The following ARMH1 variants were observed in gnomAD, a reference collection of about 807,000 sequenced individuals.
ARMH1 encodes the protein armadillo like helical domain containing 1.
A neutral mutation model predicts 50.2 loss-of-function variants in ARMH1; 34 were observed. The ratio of observed to expected loss-of-function variants is 0.68; its 90% CI spans 0.51 to 0.90. The LOEUF (loss-of-function observed/expected upper bound fraction) is 0.90, where lower values mean the gene tolerates loss of function less well. ARMH1 is among the 40% of genes least tolerant of loss of function. The pLI, the probability that ARMH1 is intolerant of heterozygous loss-of-function variation, is 0.00. For missense variants in ARMH1, 538 were observed against 553.9 expected (o/e 0.97, Z 0.29); for synonymous variants, 221 against 224.2 (o/e 0.99, Z 0.13).
intron 6 of ARMH1, among the ~76,000 whole-genome samples, chr1:44,714,529 G>A (rs1008902961): frequency 6.6e-5 from 10 of 151,390 alleles, no homozygotes; most frequent in African/African-American, 2.4e-4. Context: ...AGGTTGCGGT[G>A]AGCTGAGATC....
At chr1:44,679,477 T>C (rs1645240023) in intron 1 of ARMH1, among the ~76,000 whole-genome samples, 1 of 152,262 alleles carries the variant, frequency 6.6e-6, no homozygotes, top group South Asian at 2.1e-4. Context: ...AAATAATTTC[T>C]GTGACATTTC....
intron 2 of ARMH1, 128 bp downstream of exon 2, chr1:44,690,031 A>C (rs1332119803): frequency 1.3e-6 from 1 of 753,160 alleles, no homozygotes; most frequent in African/African-American, 1.8e-5. Flanking sequence ...CAGCCTAACC[A>C]ACATGGTGAA....
intron 6 of ARMH1, among the ~76,000 whole-genome samples, chr1:44,711,966 T>C (rs1012765953): frequency 5.3e-5 from 8 of 152,312 alleles, no homozygotes; most frequent in African/African-American, 1.9e-4. Context: ...CTCAAAATGA[T>C]AAATGAGAAA....
At chr1:44,700,189 G>A (rs988918223) in intron 4 of ARMH1, among the ~76,000 whole-genome samples, 2 of 152,134 alleles carry the variant, frequency 1.3e-5, no homozygotes, top group African/African-American at 4.8e-5. Flanking sequence ...TCTCCTGCCT[G>A]TCTACCCCAT....
chr1:44,691,150 CG>C (rs1299806390), intron 2 of ARMH1, among the ~76,000 whole-genome samples: 1 of 151,844 alleles, frequency 6.6e-6, no homozygotes, highest in African/African-American at 2.4e-5. Context: ...CCCAGCTACC[CG>C]GGAGGCTGAG....
rs577423359 is a variant in ARMH1 at position 44,681,057 on chromosome 1, T to C, written c.-23+6184T>C. ...TCACCCAGGCTGGAGTGTAGTGGCGTGATCTCGGCTCACTGCAAGCTCCAC... is the reference window on the plus strand; with the variant it reads ...TCACCCAGGCTGGAGTGTAGTGGCGCGATCTCGGCTCACTGCAAGCTCCAC... On this transcript the variant is annotated intron_variant, in intron 1 of 11. Coordinates refer to ENST00000535358, the MANE Select transcript of ARMH1 (RefSeq NM_001145636.2). The surrounding 1 kb of genome is among the most constrained non-coding windows in gnomAD (Gnocchi z 4.3). Among the ~76,000 whole-genome samples, 5 of 149,540 alleles carry C rather than the reference T, an allele frequency of 3.3e-5. No individual in the cohort carries two copies. The highest frequency in any genetic ancestry group is 5.9e-5 in the Non-Finnish European group (4 of 67,480).
chr1:44,723,297 G>A (rs1647673563), intron 6 of ARMH1, among the ~76,000 whole-genome samples: 1 of 152,118 alleles, frequency 6.6e-6, no homozygotes, highest in African/African-American at 2.4e-5. Flanking sequence ...AGGGTTGGTC[G>A]AATGAATGAA....
chr1:44,699,856 G>A (rs978953790), intron 4 of ARMH1, among the ~76,000 whole-genome samples: 4 of 146,236 alleles, frequency 2.7e-5, no homozygotes, highest in Non-Finnish European at 4.5e-5. Flanking sequence ...TTGAGTTGGA[G>A]TCTCGTTCTG....
intron 6 of ARMH1, among the ~76,000 whole-genome samples, chr1:44,721,232 A>G (rs1647102114): frequency 6.6e-6 from 1 of 152,172 alleles, no homozygotes; most frequent in Non-Finnish European, 1.5e-5. Flanking sequence ...CAGGTGGTCC[A>G]GAGAACCTCA....
chr1:44,717,380 A>G (rs923127832), intron 6 of ARMH1, among the ~76,000 whole-genome samples: 2 of 152,222 alleles, frequency 1.3e-5, no homozygotes, highest in Admixed American at 1.3e-4. Context: ...CACAAATGTG[A>G]CATGGCACTA....
chr1:44,701,428 G>A (rs766710784), intron 5 of ARMH1, among the ~76,000 whole-genome samples: 2 of 152,024 alleles, frequency 1.3e-5, no homozygotes, highest in Admixed American at 1.3e-4. Context: ...GATAGGGAAA[G>A]AATAATGGTG....
At chr1:44,696,025 G>GA (rs199867080) in intron 2 of ARMH1, among the ~76,000 whole-genome samples, 3,884 of 151,984 alleles carry the variant, frequency 0.026, 117 homozygotes, top group Admixed American at 0.077. Flanking sequence ...CTAGCCTGAA[G>GA]AAAAAGGGGA....
rs923458512 is a variant in ARMH1 at position 44,724,714 on chromosome 1, G to A, written c.1050+46G>A. 8 of 1,490,408 alleles carry A rather than the reference G, an allele frequency of 5.4e-6. No homozygotes were observed. The African/African-American group carries it at 7.2e-5, about 14-fold the overall frequency. 92.3% of individuals were successfully genotyped at this position (1,490,408 alleles called of 1,614,324 possible). ...GGGGGCGGGAAGGGCGGCGGCACCC[G>A]CAGCCCCGTCGCCCCCGCAGTCACG... On this transcript the variant is annotated intron_variant, in intron 9 of 11. Coordinates refer to ENST00000535358, the MANE Select transcript of ARMH1 (RefSeq NM_001145636.2). The surrounding 1 kb of genome is among the most constrained non-coding windows in gnomAD (Gnocchi z 6.4).
In ARMH1 at chr1:44,681,575, AG is replaced by A. The variant is rs111515285; in HGVS notation, c.-23+6704del. On this transcript the variant is annotated intron_variant, in intron 1 of 11. Transcript: ENST00000535358. This position sits in a 1 kb window ranked among gnomAD's most constrained non-coding sequence, Gnocchi z 4.3. ...GAGGGGTTAAGGATACAAGGGAGGCAGGAGTAATGAGTAGAATGAGGGCCCT... is the reference window on the plus strand; with the variant it reads ...GAGGGGTTAAGGATACAAGGGAGGCAGAGTAATGAGTAGAATGAGGGCCCT... Among the ~76,000 whole-genome samples the A allele has an allele frequency of 0.04, 6,025 of 152,214 alleles. 261 individuals carry two copies. Among genetic ancestry groups the A allele is most frequent in the African/African-American group, 0.084 (3,475 of 41,518 alleles).
chr1:44,712,619 T>C (rs374571051), intron 6 of ARMH1, among the ~76,000 whole-genome samples: 2 of 151,228 alleles, frequency 1.3e-5, no homozygotes, highest in African/African-American at 4.8e-5. Flanking sequence ...TTTCTTAGCT[T>C]CATACCCCTC....
At chr1:44,709,400 C>T (rs146083354) in intron 6 of ARMH1, among the ~76,000 whole-genome samples, 4,130 of 152,252 alleles carry the variant, frequency 0.027, 118 homozygotes, top group African/African-American at 0.067. Context: ...CAGGCAGGCG[C>T]GGTGGCTCAC....
chr1:44,722,626 C>A (rs750991113), intron 6 of ARMH1, among the ~76,000 whole-genome samples: 2 of 151,978 alleles, frequency 1.3e-5, no homozygotes, highest in Non-Finnish European at 2.9e-5. Flanking sequence ...CGCCTGTAAT[C>A]CCAGCTTCCC....
intron 1 of ARMH1, among the ~76,000 whole-genome samples, chr1:44,685,453 T>C (rs1007365791): frequency 6.6e-6 from 1 of 151,598 alleles, no homozygotes; most frequent in Non-Finnish European, 1.5e-5. Context: ...TAGCTGAAAC[T>C]ACAAGTGTGT....
At chr1:44,707,089 A>T (rs1436953727) in intron 6 of ARMH1, among the ~76,000 whole-genome samples, 2 of 49,482 alleles carry the variant, frequency 4.0e-5, no homozygotes, top group Admixed American at 2.0e-4. Context: ...CCCTGCCCCC[A>T]CCTCCCCTCC....
Sources: gnomAD v4.1 joint callset for allele counts (sites outside exome capture counted in the v4.1 genomes callset) on GRCh38, gnomAD v4.1.1 for gene constraint, Gnocchi (gnomAD v3.1) non-coding constraint, MANE v1.5 for transcripts, NCBI Gene and HGNC (gene_info 2026-07-23, HGNC 2026-07-21) for gene names.